SAMD5: variants seen among roughly 807,000 people sequenced by gnomAD.
SAMD5 encodes sterile alpha motif domain-containing protein 5.
SAMD5 carries 13 observed loss-of-function variants against 11.3 expected under a neutral mutation model. The ratio of observed to expected loss-of-function variants is 1.15; its 90% CI spans 0.75 to 1.83. SAMD5 has a LOEUF of 1.83. Ranked by LOEUF, SAMD5 falls within the 40% of genes most tolerant of loss-of-function variation. The pLI is 0.00. For missense variants in SAMD5, 255 were observed against 239.1 expected (o/e 1.07, Z -0.44); for synonymous variants, 129 against 111.3 (o/e 1.16, Z -1.00).
rs138871545 is a variant in SAMD5, at chr6:147,529,112, A to G, written c.459+19725A>G. Among the ~76,000 whole-genome samples the G allele has an allele frequency of 6.9e-4, 105 of 152,346 alleles. 2 individuals carry two copies. In the East Asian group the frequency reaches 0.018, roughly 26 times the overall value. ...GAGCACTTAGCTTAGTGGTTGGTAC[A>G]TAGCAAGCACTTAGTAAACTATTAT... is the stretch of plus-strand genomic sequence containing the variant. On this transcript the variant is annotated intron_variant, in intron 1 of 1. Coordinates refer to ENST00000367474, the MANE Select transcript of SAMD5 (RefSeq NM_001030060.3).
At chr6:147,691,817 A>C (rs1791107498) in intron 1 of SAMD5, among the ~76,000 whole-genome samples, 1 of 151,846 alleles carries the variant, frequency 6.6e-6, no homozygotes, top group Non-Finnish European at 1.5e-5. Context: ...AAGTTTTTCC[A>C]GTCTTAGCTT....
chr6:147,820,849 C>T, the SAMD5 span, among the ~76,000 whole-genome samples: 4,631 of 152,246 alleles, frequency 0.03, 97 homozygotes, highest in Middle Eastern at 0.051. Context: ...CGCTCTGTGG[C>T]CACCTCAGTT....
chr6:147,522,932 G>A (rs899782092), intron 1 of SAMD5, among the ~76,000 whole-genome samples: 2 of 152,178 alleles, frequency 1.3e-5, no homozygotes, highest in Non-Finnish European at 2.9e-5. Flanking sequence ...CTGTGAGGGG[G>A]CAAGGAGTTA....
chr6:147,512,092 G>C (rs1022506970), intron 1 of SAMD5, among the ~76,000 whole-genome samples: 1 of 152,064 alleles, frequency 6.6e-6, no homozygotes, highest in African/African-American at 2.4e-5. Context: ...GTAGTACCTG[G>C]GATTACAGGC....
chr6:147,688,987 T>C (rs1267834567), intron 1 of SAMD5, among the ~76,000 whole-genome samples: 1 of 152,258 alleles, frequency 6.6e-6, no homozygotes, highest in African/African-American at 2.4e-5. Context: ...AGATCCTTTT[T>C]AGAGTTTTCA....
chr6:147,691,707 G>A (rs771340334), intron 1 of SAMD5, among the ~76,000 whole-genome samples: 6 of 152,004 alleles, frequency 3.9e-5, no homozygotes, highest in Non-Finnish European at 8.8e-5. Context: ...TCTCAATCTT[G>A]ACCCCAGATG....
At chr6:147,553,962 T>G (rs987167730) in intron 1 of SAMD5, among the ~76,000 whole-genome samples, 7 of 152,088 alleles carry the variant, frequency 4.6e-5, no homozygotes, top group African/African-American at 1.4e-4. Context: ...TAAACATGTG[T>G]GTTAGTCCAT....
the SAMD5 span, among the ~76,000 whole-genome samples, chr6:147,949,851 A>T: frequency 6.6e-6 from 1 of 152,254 alleles, no homozygotes; most frequent in Non-Finnish European, 1.5e-5. Flanking sequence ...TCATTTTGTT[A>T]TACTGCATTT....
chr6:147,544,794 A>G (rs1788660906), intron 1 of SAMD5, among the ~76,000 whole-genome samples: 2 of 152,208 alleles, frequency 1.3e-5, no homozygotes, highest in Non-Finnish European at 2.9e-5. Context: ...GAAACAATTC[A>G]CATAATTTTG....
the SAMD5 span, among the ~76,000 whole-genome samples, chr6:147,947,850 G>GC: frequency 2.0e-5 from 3 of 151,632 alleles, 1 homozygote; most frequent in Admixed American, 1.3e-4. Context: ...TTTTTTAAAT[G>GC]CCCTCCATTC....
chr6:147,535,899 G>A (rs191343940), intron 1 of SAMD5, among the ~76,000 whole-genome samples: 15 of 152,226 alleles, frequency 9.9e-5, no homozygotes, highest in Non-Finnish European at 1.5e-4. Flanking sequence ...GCCAGATGCC[G>A]TAACGGGCTT....
At chr6:147,863,889 G>A in the SAMD5 span, among the ~76,000 whole-genome samples, 12 of 144,714 alleles carry the variant, frequency 8.3e-5, no homozygotes, top group Non-Finnish European at 1.5e-4. Context: ...TGTTGCCCAG[G>A]CTGGAGTCCA....
At chr6:147,816,296 AAAAAAATATATATAT>A in the SAMD5 span, among the ~76,000 whole-genome samples, 1,781 of 114,802 alleles carry the variant, frequency 0.016, 95 homozygotes, top group African/African-American at 0.063. Context: ...AAAAAAAAAA[AAAAAAATATATATAT>A]ATATATATAT....
chr6:147,515,843 A>G (rs1788162764), intron 1 of SAMD5, among the ~76,000 whole-genome samples: 1 of 152,226 alleles, frequency 6.6e-6, no homozygotes, highest in Non-Finnish European at 1.5e-5. Flanking sequence ...GTTTAAAAAA[A>G]TCAACTCTGA....
the SAMD5 span, among the ~76,000 whole-genome samples, chr6:147,940,138 A>G: frequency 1.3e-5 from 2 of 151,636 alleles, no homozygotes; most frequent in African/African-American, 4.8e-5. Flanking sequence ...GGAGCAGCAT[A>G]TATGTTTGTG....
At chr6:147,524,698 C>T (rs543781537) in intron 1 of SAMD5, among the ~76,000 whole-genome samples, 12 of 152,118 alleles carry the variant, frequency 7.9e-5, no homozygotes, top group Middle Eastern at 3.4e-3. Context: ...CACCTAGATT[C>T]GCTTTTTAAA....
chr6:147,818,849 G>T, the SAMD5 span, among the ~76,000 whole-genome samples: 1 of 152,102 alleles, frequency 6.6e-6, no homozygotes, highest in East Asian at 1.9e-4. Flanking sequence ...GTCCTACATG[G>T]TTAATTTTAT....
In SAMD5 at chr6:147,508,827, CT is replaced by C. The variant is rs1583061018; in HGVS notation, c.-98del. On this transcript the variant is annotated 5_prime_UTR_variant, in exon 1 of 2. Coordinates refer to ENST00000367474, the MANE Select transcript of SAMD5 (RefSeq NM_001030060.3). ...AAAAGGAAAACTTTACTGCGATACC[CT>C]TTTCCCCTTGGAGGAGAGGATTAAA... 2.7e-6 allele frequency: 4 copies of C among 1,478,186 alleles called. No homozygotes were observed. Among genetic ancestry groups the C allele is most frequent in the African/African-American group, 1.5e-5 (1 of 68,230 alleles). The allele number at this position is 1,478,186 out of a possible 1,614,324, so 91.6% of individuals were successfully genotyped here. A position where few individuals can be genotyped will look rare whatever the true frequency, so the allele number is the denominator to read the frequency against.
chr6:147,898,954 G>A, the SAMD5 span, among the ~76,000 whole-genome samples: 1 of 151,824 alleles, frequency 6.6e-6, no homozygotes, highest in East Asian at 1.9e-4. Context: ...GCCGAGGCGG[G>A]CAGATCACGA....
Sources: allele counts gnomAD v4.1 joint callset (sites outside exome capture counted in the v4.1 genomes callset), GRCh38; gene constraint gnomAD v4.1.1; transcripts MANE v1.5; gene names NCBI Gene and HGNC (gene_info 2026-07-23, HGNC 2026-07-21).